INPP4B: variants seen among roughly 807,000 people sequenced by gnomAD.
The protein encoded by INPP4B is inositol polyphosphate 4-phosphatase type II.
Under a neutral mutation model 122.5 loss-of-function variants are expected in INPP4B, and 55 were observed. The observed-to-expected ratio is 0.45, with a 90% CI of 0.36 to 0.56. INPP4B has a LOEUF of 0.56. Among genes scored for constraint, INPP4B ranks in the 20% least tolerant of loss-of-function variants. The probability of loss-of-function intolerance (pLI) is 0.00; values close to 1 mark genes in which losing one functional copy is unlikely to be tolerated. For synonymous variants in INPP4B, 403 were observed against 388.7 expected (o/e 1.04, Z -0.43); for missense variants, 1,000 against 1,097.7 (o/e 0.91, Z 1.26).
At chr4:142,463,625 T>C (rs909559567) in intron 2 of INPP4B, among the ~76,000 whole-genome samples, 3 of 152,200 alleles carry the variant, frequency 2.0e-5, no homozygotes, top group African/African-American at 7.2e-5. Context: ...TCTTGAATTA[T>C]GGTTCCCTTA....
chr4:142,785,263 C>A (rs181731677), intron 1 of INPP4B, among the ~76,000 whole-genome samples: 6 of 152,234 alleles, frequency 3.9e-5, no homozygotes, highest in African/African-American at 1.4e-4. Flanking sequence ...TTATCCAATA[C>A]ATCATGCCCA....
At chr4:142,512,369 T>C (rs1824834260) in intron 2 of INPP4B, among the ~76,000 whole-genome samples, 1 of 152,168 alleles carries the variant, frequency 6.6e-6, no homozygotes, top group Admixed American at 6.5e-5. Flanking sequence ...TATGATCTCA[T>C]CTACATACTC....
At chr4:142,754,758 A>G (rs1770255716) in intron 1 of INPP4B, among the ~76,000 whole-genome samples, 2 of 144,570 alleles carry the variant, frequency 1.4e-5, no homozygotes, top group South Asian at 4.7e-4. Context: ...TGAATTTATT[A>G]AATATGATGA....
intron 9 of INPP4B, among the ~76,000 whole-genome samples, chr4:142,298,260 C>T (rs1455300510): frequency 6.6e-6 from 1 of 152,086 alleles, no homozygotes. Flanking sequence ...ACTTGAGATA[C>T]AATAGAAATA....
chr4:142,819,102 C>T (rs1780497445), intron 1 of INPP4B, among the ~76,000 whole-genome samples: 2 of 152,122 alleles, frequency 1.3e-5, no homozygotes, highest in African/African-American at 4.8e-5. Context: ...GGAAGAGAAG[C>T]CCGAACACTT....
chr4:142,112,023 C>T (rs956664158), intron 22 of INPP4B, among the ~76,000 whole-genome samples: 4 of 151,736 alleles, frequency 2.6e-5, no homozygotes, highest in Non-Finnish European at 4.4e-5. Context: ...GGATTACAGG[C>T]GTAAGCCACC....
chr4:142,051,078 G>A (rs143612560), intron 25 of INPP4B, among the ~76,000 whole-genome samples: 325 of 151,984 alleles, frequency 2.1e-3, no homozygotes, highest in African/African-American at 7.4e-3. Flanking sequence ...CCTCTGTGTT[G>A]AGATATGTAA....
At chr4:142,660,397 C>T (rs1337919022) in intron 2 of INPP4B, among the ~76,000 whole-genome samples, 1 of 152,020 alleles carries the variant, frequency 6.6e-6, no homozygotes, top group Non-Finnish European at 1.5e-5. Flanking sequence ...CAGTCTGTAC[C>T]CCTTAAAATG....
At chr4:142,722,697 TTAAA>T (rs1445631185) in intron 2 of INPP4B, among the ~76,000 whole-genome samples, 1 of 152,194 alleles carries the variant, frequency 6.6e-6, no homozygotes, top group Non-Finnish European at 1.5e-5. Context: ...GATTTGCAGT[TTAAA>T]TACTCATTGG....
At chr4:142,278,740 T>C (rs957134202) in intron 9 of INPP4B, among the ~76,000 whole-genome samples, 2 of 151,852 alleles carry the variant, frequency 1.3e-5, no homozygotes, top group South Asian at 2.1e-4. Flanking sequence ...ATGGAGGAGA[T>C]TGTGGAGAGG....
intron 2 of INPP4B, among the ~76,000 whole-genome samples, chr4:142,677,288 A>G (rs1203239893): frequency 2.0e-5 from 3 of 152,204 alleles, no homozygotes; most frequent in African/African-American, 7.2e-5. Flanking sequence ...CAAAACCACA[A>G]TGAGATACTA....
chr4:142,442,530 C>T (rs1226328778), intron 3 of INPP4B, among the ~76,000 whole-genome samples: 4 of 151,758 alleles, frequency 2.6e-5, no homozygotes, highest in East Asian at 1.9e-4. Flanking sequence ...AAACAAACCA[C>T]GGACTAGGAA....
chr4:142,636,380 T>C (rs1749167877), intron 2 of INPP4B, among the ~76,000 whole-genome samples: 1 of 152,128 alleles, frequency 6.6e-6, no homozygotes, highest in Non-Finnish European at 1.5e-5. Context: ...AAAACCTATA[T>C]GAAGAAATAA....
intron 9 of INPP4B, among the ~76,000 whole-genome samples, chr4:142,302,222 T>C (rs3822151): frequency 0.21 from 32,467 of 151,980 alleles, 4,542 homozygotes; most frequent in African/African-American, 0.4. Flanking sequence ...CATTCCCAAG[T>C]TCTCCCTGGC....
intron 2 of INPP4B, among the ~76,000 whole-genome samples, chr4:142,610,867 G>T (rs1030949066): frequency 6.6e-6 from 1 of 152,068 alleles, no homozygotes; most frequent in Non-Finnish European, 1.5e-5. Context: ...TAAGATTCAG[G>T]TTCACCAATT....
At chr4:142,708,669 C>T (rs1762749289) in intron 2 of INPP4B, among the ~76,000 whole-genome samples, 1 of 152,190 alleles carries the variant, frequency 6.6e-6, no homozygotes, top group African/African-American at 2.4e-5. Context: ...GAGCCTCTGC[C>T]TAGATTTCAG....
rs2152241822 is a variant in INPP4B, at chr4:142,024,859, T to G, written c.*3923A>C. On this transcript the variant is annotated 3_prime_UTR_variant, in exon 26 of 26. Coordinates refer to ENST00000262992, the MANE Select transcript of INPP4B (RefSeq NM_001101669.3). ...ATTGCTTAGACTACAGTTGAATTGC[T>G]AAGAATTCTCTGGCAAAGCATTATC... is the stretch of plus-strand genomic sequence containing the variant. The G allele has an allele frequency of 6.6e-6, 1 of 152,300 alleles. No homozygotes were observed. The highest frequency in any genetic ancestry group is 2.4e-5 in the African/African-American group (1 of 41,578). The allele number at this position is 152,300 out of a possible 1,614,324, so 9.4% of individuals were successfully genotyped here. A position where few individuals can be genotyped will look rare whatever the true frequency, so the allele number is the denominator to read the frequency against.
chr4:142,183,053 C>T lies in INPP4B; in HGVS notation c.1182-9244G>A, dbSNP rs148237411. Among the ~76,000 whole-genome samples the T allele has an allele frequency of 1.9e-3, 296 of 152,276 alleles. 2 individuals carry two copies. The highest frequency in any genetic ancestry group is 3.5e-3 in the Non-Finnish European group (239 of 68,020). ...TAAGATTTGGTCCTTGCTCCCTGCCCAGCCTAACGTCCTTTCATACTCTCC... is the reference window on the plus strand; with the variant it reads ...TAAGATTTGGTCCTTGCTCCCTGCCTAGCCTAACGTCCTTTCATACTCTCC... On this transcript the variant is annotated intron_variant, in intron 15 of 25. Transcript: ENST00000262992.
intron 2 of INPP4B, among the ~76,000 whole-genome samples, chr4:142,613,375 A>G (rs1306331458): frequency 6.6e-6 from 1 of 152,302 alleles, no homozygotes; most frequent in African/African-American, 2.4e-5. Context: ...TTTATTTTTC[A>G]CAGGATATAC....
Sources: gnomAD v4.1 joint callset for allele counts (sites outside exome capture counted in the v4.1 genomes callset) on GRCh38, gnomAD v4.1.1 for gene constraint, MANE v1.5 for transcripts, NCBI Gene and HGNC (gene_info 2026-07-23, HGNC 2026-07-21) for gene names.